SASH1: variants seen among roughly 807,000 people sequenced by gnomAD.
SASH1 encodes the protein SAM and SH3 domain containing 1.
In SASH1, 44 loss-of-function variants were observed where a neutral mutation model predicts 125.2. The ratio of observed to expected loss-of-function variants is 0.35; its 90% confidence interval spans 0.28 to 0.45. The LOEUF is 0.45. Among genes scored for constraint, SASH1 ranks in the 20% least tolerant of loss-of-function variants. The pLI is 1.00. For synonymous variants in SASH1, 639 were observed against 649.1 expected (o/e 0.98, Z 0.24); for missense variants, 1,426 against 1,614.5 (o/e 0.88, Z 2.00).
At chr6:148,211,856 G>C in the SASH1 span, among the ~76,000 whole-genome samples, 1 of 152,170 alleles carries the variant, frequency 6.6e-6, no homozygotes, top group Non-Finnish European at 1.5e-5. Flanking sequence ...GGAAGCATCT[G>C]TTATATGGAT....
intron 1 of SASH1, among the ~76,000 whole-genome samples, chr6:148,369,966 C>CAAAAAAAAAAAAAAAAAAAAAAAAAAAA (rs562924566): frequency 3.2e-5 from 3 of 93,566 alleles, no homozygotes; most frequent in African/African-American, 4.3e-5. Flanking sequence ...AAAAGAAAAA[C>CAAAAAAAAAAAAAAAAAAAAAAAAAAAA]AAAAAAAAAA....
the SASH1 span, among the ~76,000 whole-genome samples, chr6:148,214,689 T>A: frequency 6.6e-6 from 1 of 152,182 alleles, no homozygotes; most frequent in Non-Finnish European, 1.5e-5. Context: ...TGCCTAGCTG[T>A]ATATTTGGTA....
chr6:148,531,587 T>C lies in SASH1; in HGVS notation c.1490T>C (p.Leu497Ser), dbSNP rs1311349401. 6.3e-7 allele frequency: 1 copy of C among 1,580,996 alleles called. No individual in the cohort carries two copies. The highest frequency in any genetic ancestry group is 1.2e-5 in the South Asian group (1 of 86,260). The stretch of plus-strand genomic sequence containing the variant: ...CCTTCACAGCCCGACCCCGAACACT[T>C]GGACAAGCCCAAGCTCAAGGCCGGG... ...PPPSQPDPEH[L>S]DKPKLKAGGS... is the part of the protein sequence containing the mutation. Residue 497 changes from leucine (L) to serine (S), a missense_variant, in exon 13 of 20, where the codon TTG becomes TCG. This residue lies in a region of SASH1 where 225 missense variants were observed against 344.5 expected (regional missense o/e 0.65). Coordinates refer to ENST00000367467, the MANE Select transcript of SASH1 (RefSeq NM_015278.5).
chr6:148,319,019 CTTCTTTT>C (rs1780562672), intron 1 of SASH1, among the ~76,000 whole-genome samples: 1 of 80,510 alleles, frequency 1.2e-5, no homozygotes, highest in African/African-American at 4.7e-5. Flanking sequence ...CCGCATTTAT[CTTCTTTT>C]TTTTTTTTTT....
chr6:148,532,973 C>T lies in SASH1; in HGVS notation c.1734+7C>T. 1 of 1,613,444 alleles carries T rather than the reference C, an allele frequency of 6.2e-7. No individual in the cohort carries two copies. Among genetic ancestry groups the T allele is most frequent in the Non-Finnish European group, 8.5e-7 (1 of 1,179,522 alleles). On this transcript the variant is annotated splice_region_variant and intron_variant, in intron 14 of 19. Coordinates refer to ENST00000367467, the MANE Select transcript of SASH1 (RefSeq NM_015278.5). This position sits in a 1 kb window ranked among gnomAD's most constrained non-coding sequence, Gnocchi z 4.7. ...AGACTCACTCAAGCTCAAGGTATCT[C>T]TCTCCCTGGCCTCAGAGCAGCTAAC...
the SASH1 span, among the ~76,000 whole-genome samples, chr6:148,193,620 C>T: frequency 6.6e-6 from 1 of 152,134 alleles, no homozygotes; most frequent in East Asian, 1.9e-4. Context: ...TTGGAGCAAA[C>T]TAATGGTAAG....
intron 1 of SASH1, among the ~76,000 whole-genome samples, chr6:148,309,870 A>G (rs1446275696): frequency 6.6e-6 from 1 of 152,106 alleles, no homozygotes; most frequent in Non-Finnish European, 1.5e-5. Flanking sequence ...AGTAATTAAT[A>G]TCCCATCTTC....
rs1781383614 is a variant in SASH1 at position 148,342,994 on chromosome 6, G to T, written c.-74G>T. On this transcript the variant is annotated 5_prime_UTR_variant, in exon 1 of 20. Transcript: ENST00000367467. ...GCCGCGGGCGGGGACCCGGCATCCG[G>T]GCAGGCTGCGCGCGGGTGCGGGGCG... is the stretch of plus-strand genomic sequence containing the variant. 13 of 1,068,868 alleles carry T rather than the reference G, an allele frequency of 1.2e-5. No homozygotes were observed. Among genetic ancestry groups the T allele is most frequent in the Non-Finnish European group, 1.5e-5 (13 of 884,802 alleles). The allele number at this position is 1,068,868 out of a possible 1,614,324, so 66.2% of individuals were successfully genotyped here. A position where few individuals can be genotyped will look rare whatever the true frequency, so the allele number is the denominator to read the frequency against.
intron 1 of SASH1, among the ~76,000 whole-genome samples, chr6:148,282,045 A>C (rs1234019701): frequency 6.6e-6 from 1 of 152,246 alleles, no homozygotes; most frequent in South Asian, 2.1e-4. Context: ...AAATTAGAAC[A>C]TAACTGTCAT....
intron 1 of SASH1, among the ~76,000 whole-genome samples, chr6:148,315,937 G>C (rs1200393066): frequency 6.6e-6 from 1 of 152,058 alleles, no homozygotes; most frequent in Non-Finnish European, 1.5e-5. Flanking sequence ...ACTAAGACCA[G>C]CCTGCCACAC....
rs1220359538 is a variant in SASH1 at position 148,543,675 on chromosome 6, C to T, written c.2210-5C>T. The T allele has an allele frequency of 1.3e-6, 2 of 1,522,010 alleles. No individual in the cohort carries two copies. The highest frequency in any genetic ancestry group is 2.8e-5 in the African/African-American group (2 of 71,774). 94.3% of individuals were successfully genotyped at this position (1,522,010 alleles called of 1,614,324 possible). A position where few individuals can be genotyped will look rare whatever the true frequency, so the allele number is the denominator to read the frequency against. On this transcript the variant is annotated splice_region_variant and splice_polypyrimidine_tract_variant and intron_variant, in intron 17 of 19. Transcript: ENST00000367467. ...GTGATTGTAAAATATTCCCTTGTCT[C>T]ACAGGCAAGACTCGGAAAGCTAGCC... is the stretch of plus-strand genomic sequence containing the variant.
upstream of SASH1, among the ~76,000 whole-genome samples, chr6:148,267,761 C>T (rs1284798524): frequency 6.6e-6 from 1 of 152,122 alleles, no homozygotes; most frequent in Non-Finnish European, 1.5e-5. Flanking sequence ...TTTCTTAAAC[C>T]TTCCCAATGA....
At chr6:148,443,483 A>G (rs888549757) in intron 4 of SASH1, among the ~76,000 whole-genome samples, 2 of 133,608 alleles carry the variant, frequency 1.5e-5, no homozygotes, top group East Asian at 2.1e-4. Context: ...ATATATTTTT[A>G]TATATATTTT....
At chr6:148,260,221 T>C in the SASH1 span, among the ~76,000 whole-genome samples, 1 of 152,246 alleles carries the variant, frequency 6.6e-6, no homozygotes, top group Non-Finnish European at 1.5e-5. Context: ...GATACCATTT[T>C]CATAATGTTT....
intron 1 of SASH1, among the ~76,000 whole-genome samples, chr6:148,387,571 T>C (rs1783446460): frequency 2.1e-4 from 1 of 4,852 alleles, no homozygotes; most frequent in South Asian, 0.012. Flanking sequence ...CTTTTCTCTT[T>C]CTTTCTTTCT....
At chr6:148,387,834 G>A (rs1262466073) in intron 1 of SASH1, among the ~76,000 whole-genome samples, 1 of 150,504 alleles carries the variant, frequency 6.6e-6, no homozygotes, top group Admixed American at 6.6e-5. Flanking sequence ...TGCCTCCCAG[G>A]CTCAGGTGAT....
chr6:148,504,636 T>G (rs1270875207), intron 8 of SASH1, among the ~76,000 whole-genome samples: 2 of 152,106 alleles, frequency 1.3e-5, no homozygotes, highest in Non-Finnish European at 2.9e-5. Context: ...CTCTGACACA[T>G]GGCCAGGGCT....
At chr6:148,352,708 A>G (rs9498009) in intron 1 of SASH1, among the ~76,000 whole-genome samples, 18,128 of 152,112 alleles carry the variant, frequency 0.12, 1,195 homozygotes, top group Non-Finnish European at 0.15. Flanking sequence ...ACGGTGGCTC[A>G]TGCCTGTAAT....
At chr6:148,270,287 A>T (rs1453048873), upstream of SASH1, among the ~76,000 whole-genome samples, 1 of 151,860 alleles carries the variant, frequency 6.6e-6, no homozygotes, top group African/African-American at 2.4e-5. Context: ...ACTATCCTCC[A>T]CCCCGGGTAT....
Sources: gnomAD v4.1 joint callset for allele counts (sites outside exome capture counted in the v4.1 genomes callset) on GRCh38, gnomAD v4.1.1 for gene constraint, gnomAD v4.1.1 regional missense constraint, Gnocchi (gnomAD v3.1) non-coding constraint, MANE v1.5 for transcripts, NCBI Gene and HGNC (gene_info 2026-07-23, HGNC 2026-07-21) for gene names.